Variants in PDE4D observed in about 807,000 individuals in gnomAD.
The protein encoded by PDE4D is 3',5'-cyclic-AMP phosphodiesterase 4D.
A neutral mutation model predicts 87.4 loss-of-function variants in PDE4D; 24 were observed. The ratio of observed to expected loss-of-function variants is 0.27; its 90% CI spans 0.20 to 0.39. The LOEUF (loss-of-function observed/expected upper bound fraction) is 0.39. PDE4D is among the 10% of genes least tolerant of loss of function. The probability of loss-of-function intolerance (pLI) is 1.00; values close to 1 mark genes in which losing one functional copy is unlikely to be tolerated. For missense variants in PDE4D, 714 were observed against 1,041.0 expected (o/e 0.69, Z 4.32); for synonymous variants, 384 against 383.2 (o/e 1.00, Z -0.02).
At chr5:59,878,018 G>A (rs532234071) in intron 1 of PDE4D, among the ~76,000 whole-genome samples, 1 of 152,214 alleles carries the variant, frequency 6.6e-6, no homozygotes, top group East Asian at 1.9e-4. Context: ...GAAAACCAAA[G>A]CTGGAAAGGC....
intron 1 of PDE4D, among the ~76,000 whole-genome samples, chr5:59,651,267 T>G (rs747915439): frequency 7.3e-6 from 1 of 137,772 alleles, no homozygotes; most frequent in East Asian, 2.1e-4. Flanking sequence ...ACAATAATAA[T>G]AATAATAATA....
intron 2 of PDE4D, among the ~76,000 whole-genome samples, chr5:60,063,095 GAAGAAAGAAAGAAAGAAAGA>G (rs34450673): frequency 1.8e-3 from 172 of 97,280 alleles, no homozygotes; most frequent in African/African-American, 4.1e-3. Context: ...AAGAAAGAAA[GAAGAAAGAAAGAAAGAAAGA>G]AAGAAAGAAA....
intron 4 of PDE4D, among the ~76,000 whole-genome samples, chr5:59,183,573 C>T (rs956605020): frequency 2.0e-5 from 3 of 152,090 alleles, no homozygotes; most frequent in African/African-American, 4.8e-5. Flanking sequence ...GGGTAAAATT[C>T]GAGACTAAAA....
At chr5:59,562,427 G>C (rs1820186950) in intron 1 of PDE4D, among the ~76,000 whole-genome samples, 2 of 152,132 alleles carry the variant, frequency 1.3e-5, no homozygotes, top group Non-Finnish European at 2.9e-5. Flanking sequence ...TGTAAAATCA[G>C]AATGCCCTAG....
chr5:60,069,495 C>A (rs978145243), intron 2 of PDE4D, among the ~76,000 whole-genome samples: 2 of 151,924 alleles, frequency 1.3e-5, no homozygotes, highest in Non-Finnish European at 2.9e-5. Flanking sequence ...ATAAAACAAC[C>A]AAGTATGCAT....
At chr5:59,817,165 G>A (rs1190107318) in intron 1 of PDE4D, among the ~76,000 whole-genome samples, 1 of 152,194 alleles carries the variant, frequency 6.6e-6, no homozygotes, top group East Asian at 1.9e-4. Flanking sequence ...TGACGGAAAC[G>A]TGAATGTGCT....
chr5:59,002,015 C>A, intron 6 of PDE4D: 1 of 512,270 alleles, frequency 2.0e-6, no homozygotes, highest in Non-Finnish European at 3.9e-6. Context: ...ACTTTGTTAG[C>A]AAGCCCTATC....
At chr5:59,753,750 G>T (rs958450130) in intron 1 of PDE4D, among the ~76,000 whole-genome samples, 1 of 152,138 alleles carries the variant, frequency 6.6e-6, no homozygotes, top group East Asian at 1.9e-4. Flanking sequence ...AACAAAGAGG[G>T]ATGAGCATCA....
At chr5:59,730,249 C>G (rs187962900) in intron 1 of PDE4D, among the ~76,000 whole-genome samples, 13 of 152,132 alleles carry the variant, frequency 8.5e-5, no homozygotes, top group African/African-American at 3.1e-4. Flanking sequence ...AAGGGAGAAG[C>G]AGGTATGGAG....
chr5:59,610,805 G>A (rs1257900018), intron 1 of PDE4D, among the ~76,000 whole-genome samples: 3 of 152,174 alleles, frequency 2.0e-5, no homozygotes, highest in African/African-American at 7.2e-5. Context: ...AAGTCTGTAA[G>A]GCTATGGAGA....
rs1341228852 is a variant in PDE4D, at chr5:59,820,711, T to C, written c.455+72457A>G. Among the ~76,000 whole-genome samples, 3 of 152,272 alleles carry C rather than the reference T, an allele frequency of 2.0e-5. 1 individual carries two copies. In the South Asian group the frequency reaches 6.2e-4, roughly 32 times the overall value. On this transcript the variant is annotated intron_variant, in intron 1 of 14. Transcript: ENST00000340635. Reference sequence around the variant, plus strand: ...TTGCAAAAAAATGAAAGAAAAATCATTCTATGGGCTTGCTCCTCTTGACAT... The same window carrying C: ...TTGCAAAAAAATGAAAGAAAAATCACTCTATGGGCTTGCTCCTCTTGACAT...
chr5:60,387,478 T>C (rs548973712), intron 1 of PDE4D, among the ~76,000 whole-genome samples: 1 of 152,312 alleles, frequency 6.6e-6, no homozygotes, highest in South Asian at 2.1e-4. Context: ...CCATTTCTCC[T>C]AGTTCCCCTA....
chr5:59,021,143 A>C (rs943565215), intron 6 of PDE4D, among the ~76,000 whole-genome samples: 2 of 152,218 alleles, frequency 1.3e-5, no homozygotes, highest in Non-Finnish European at 2.9e-5. Flanking sequence ...CACAAGCAAC[A>C]GACCAATGTT....
chr5:60,178,441 A>C (rs1476592253), intron 2 of PDE4D, among the ~76,000 whole-genome samples: 1 of 152,176 alleles, frequency 6.6e-6, no homozygotes. Context: ...GCAAAGAAAA[A>C]AAAACAATTG....
intron 1 of PDE4D, among the ~76,000 whole-genome samples, chr5:60,425,664 A>C (rs1464292653): frequency 6.6e-6 from 1 of 152,242 alleles, no homozygotes; most frequent in Admixed American, 6.5e-5. Flanking sequence ...AATGGCAACA[A>C]AAGCCAACAT....
chr5:59,872,300 C>CACACACA (rs10693446), intron 1 of PDE4D, among the ~76,000 whole-genome samples: 7,046 of 146,904 alleles, frequency 0.048, 196 homozygotes, highest in Middle Eastern at 0.091. Flanking sequence ...CACACACACA[C>CACACACA]AAGAGCACAC....
At chr5:60,150,497 AT>A in intron 2 of PDE4D, among the ~76,000 whole-genome samples, 1 of 152,158 alleles carries the variant, frequency 6.6e-6, no homozygotes, top group Admixed American at 6.5e-5. Flanking sequence ...ATGCAACAAG[AT>A]AAATAGGTAA....
At chr5:59,037,917 T>C (rs1758834765) in intron 6 of PDE4D, among the ~76,000 whole-genome samples, 1 of 151,504 alleles carries the variant, frequency 6.6e-6, no homozygotes, top group South Asian at 2.1e-4. Context: ...ACCTTGTAAA[T>C]AGGTGGCCAA....
At chr5:60,335,107 CT>C (rs905333544) in intron 1 of PDE4D, 1 of 152,212 alleles carries the variant, frequency 6.6e-6, no homozygotes, top group Non-Finnish European at 1.5e-5. Context: ...TCCCATGCTC[CT>C]TGCAATTTCC....
Sources: allele counts gnomAD v4.1 joint callset (sites outside exome capture counted in the v4.1 genomes callset), GRCh38; gene constraint gnomAD v4.1.1; transcripts MANE v1.5; gene names NCBI Gene and HGNC (gene_info 2026-07-23, HGNC 2026-07-21).